CDC7: variants seen among roughly 807,000 people sequenced by gnomAD.
CDC7 encodes the protein cell division cycle 7-related protein kinase.
A neutral mutation model predicts 53.5 loss-of-function variants in CDC7; 34 were observed. That is an observed-to-expected ratio of 0.64 (90% confidence interval 0.48 to 0.85). CDC7 has a LOEUF of 0.85. CDC7 is among the 40% of genes least tolerant of loss of function. The pLI is 0.00. For missense variants in CDC7, 594 were observed against 679.7 expected (o/e 0.87, Z 1.40); for synonymous variants, 211 against 222.8 (o/e 0.95, Z 0.47).
chr1:91,521,667 C>T (rs1040478777), intron 11 of CDC7, among the ~76,000 whole-genome samples: 11 of 152,104 alleles, frequency 7.2e-5, no homozygotes, highest in African/African-American at 2.2e-4. Context: ...TATTGAATAA[C>T]TTCGTGAGAG....
Position 91,501,683 on chromosome 1 carries a change from C to T in CDC7, c.-34C>T. 6.6e-7 allele frequency: 1 copy of T among 1,506,230 alleles called. No individual in the cohort carries two copies. The highest frequency in any genetic ancestry group is 9.2e-7 in the Non-Finnish European group (1 of 1,082,644). The allele number at this position is 1,506,230 out of a possible 1,614,324, so 93.3% of individuals were successfully genotyped here. A position where few individuals can be genotyped will look rare whatever the true frequency, so the allele number is the denominator to read the frequency against. On this transcript the variant is annotated 5_prime_UTR_variant, in exon 2 of 12. Transcript: ENST00000234626. ...TTTGCTCCCCCTGTGGATGTAACCC[C>T]TTAGCTGGCATTTTGCATCTCAATT...
At position 91,501,641 on chromosome 1, in the gene CDC7, C is replaced by G. The variant is rs1430369208; in HGVS notation, c.-63-13C>G. 4 of 1,038,190 alleles carry G rather than the reference C, an allele frequency of 3.9e-6. No homozygotes were observed. The highest frequency in any genetic ancestry group is 6.0e-6 in the Non-Finnish European group (4 of 670,162). The allele number at this position is 1,038,190 out of a possible 1,614,324, so 64.3% of individuals were successfully genotyped here. A position where few individuals can be genotyped will look rare whatever the true frequency, so the allele number is the denominator to read the frequency against. ...GAGTGATCTAAATTTCTCTAGTGTTCTAATTTTCACAGCTGCTTTGCTCCC... is the reference window on the plus strand; with the variant it reads ...GAGTGATCTAAATTTCTCTAGTGTTGTAATTTTCACAGCTGCTTTGCTCCC... On this transcript the variant is annotated splice_polypyrimidine_tract_variant and intron_variant, in intron 1 of 11. Coordinates refer to ENST00000234626, the MANE Select transcript of CDC7 (RefSeq NM_003503.4).
intron 2 of CDC7, 44 bp from the exon 3 acceptor site, chr1:91,507,786 TTAAATTTTAAGAAACTGTAAAATA>T (rs1304963883): frequency 2.0e-6 from 2 of 1,021,414 alleles, no homozygotes; most frequent in Non-Finnish European, 2.9e-6. Flanking sequence ...ATTGAGCTTT[TTAAATTTTAAGAAACTGTAAAATA>T]TACTGTCATT....
At chr1:91,504,105 C>CTTTTTT (rs1216657728) in intron 2 of CDC7, among the ~76,000 whole-genome samples, 1 of 135,052 alleles carries the variant, frequency 7.4e-6, no homozygotes, top group Admixed American at 7.5e-5. Flanking sequence ...TTTTGGCAAG[C>CTTTTTT]TTTTTTTTTT....
intron 11 of CDC7, among the ~76,000 whole-genome samples, chr1:91,521,147 C>T (rs945331898): frequency 1.3e-5 from 2 of 152,198 alleles, no homozygotes; most frequent in African/African-American, 4.8e-5. Context: ...GTGCTCAACC[C>T]CAGGATCAGT....
intron 7 of CDC7, among the ~76,000 whole-genome samples, chr1:91,513,726 T>C (rs911973750): frequency 1.3e-5 from 2 of 152,170 alleles, no homozygotes; most frequent in Non-Finnish European, 2.9e-5. Flanking sequence ...GAATTTTTTT[T>C]TAGTTATATA....
intron 11 of CDC7, among the ~76,000 whole-genome samples, chr1:91,521,944 A>G (rs1487210682): frequency 6.6e-6 from 1 of 152,096 alleles, no homozygotes; most frequent in Non-Finnish European, 1.5e-5. Context: ...AGGTGGGCAG[A>G]TCATGAGGTC....
At chr1:91,515,760 T>A in intron 9 of CDC7, 34 bp from the exon 10 acceptor site, 1 of 1,609,454 alleles carries the variant, frequency 6.2e-7, no homozygotes. Context: ...AGTTCAACTT[T>A]AACATAACTA....
chr1:91,504,629 G>T (rs1163944320), intron 2 of CDC7, among the ~76,000 whole-genome samples: 1 of 152,102 alleles, frequency 6.6e-6, no homozygotes, highest in African/African-American at 2.4e-5. Context: ...GTTTGCCTGG[G>T]ACAGATCTAG....
intron 11 of CDC7, among the ~76,000 whole-genome samples, chr1:91,522,309 C>T (rs1301421369): frequency 3.3e-5 from 5 of 152,172 alleles, no homozygotes; most frequent in Non-Finnish European, 5.9e-5. Context: ...CTGTGTTCCC[C>T]TTTGTAACCT....
intron 4 of CDC7, among the ~76,000 whole-genome samples, chr1:91,509,613 C>A (rs1426716452): frequency 1.3e-5 from 2 of 152,156 alleles, no homozygotes; most frequent in Admixed American, 1.3e-4. Context: ...ACGACTGTAG[C>A]CTGCTTCTTC....
chr1:91,520,140 G>T lies in CDC7; in HGVS notation c.1191G>T (p.Met397Ile). The change falls in exon 11 of 12, where the codon ATG (methionine) becomes ATT (isoleucine). Residue 397 changes from methionine to isoleucine, a missense_variant. By Grantham distance (10) the Met-to-Ile change is conservative (BLOSUM62 1). Transcript: ENST00000234626. ...TGTCTTCTGTTGCAGCAATTGACAT[G>T]TGGTCTGCAGGTGTCATATTTCTTT... ...KCPNQTTAIDMWSAGVIFLSL... is the reference protein window; with the variant it reads ...KCPNQTTAIDIWSAGVIFLSL... The T allele has an allele frequency of 6.4e-7, 1 of 1,563,810 alleles. No individual in the cohort carries two copies. The highest frequency in any genetic ancestry group is 1.2e-5 in the South Asian group (1 of 81,132).
chr1:91,509,950 G>A (rs1667191049), intron 4 of CDC7, among the ~76,000 whole-genome samples: 1 of 152,170 alleles, frequency 6.6e-6, no homozygotes, highest in Non-Finnish European at 1.5e-5. Flanking sequence ...GAGTGAAACT[G>A]GACGCAGTAG....
intron 6 of CDC7, among the ~76,000 whole-genome samples, chr1:91,512,289 G>GTGAT (rs1667327565): frequency 6.6e-6 from 1 of 151,982 alleles, no homozygotes; most frequent in African/African-American, 2.4e-5. Flanking sequence ...CAGTTTCTTT[G>GTGAT]TGATTGGAAA....
At chr1:91,516,722 T>C (rs1378600489) in intron 10 of CDC7, among the ~76,000 whole-genome samples, 1 of 152,176 alleles carries the variant, frequency 6.6e-6, no homozygotes, top group African/African-American at 2.4e-5. Context: ...GAAGTTAGCA[T>C]AGAGGCATGA....
chr1:91,519,068 A>G (rs190694777), intron 10 of CDC7, among the ~76,000 whole-genome samples: 1 of 151,502 alleles, frequency 6.6e-6, no homozygotes, highest in Admixed American at 6.6e-5. Context: ...CTCGAAAAAA[A>G]AAAAAAAAGA....
At chr1:91,509,245 T>C (rs1005619999) in intron 4 of CDC7, among the ~76,000 whole-genome samples, 2 of 152,094 alleles carry the variant, frequency 1.3e-5, no homozygotes, top group Non-Finnish European at 2.9e-5. Context: ...CCCAAAAGTA[T>C]ATAGTTAATC....
At chr1:91,514,618 G>A (rs898616335) in intron 8 of CDC7, among the ~76,000 whole-genome samples, 1 of 152,138 alleles carries the variant, frequency 6.6e-6, no homozygotes, top group African/African-American at 2.4e-5. Flanking sequence ...GGACTAATTA[G>A]TAAATTTTAA....
In CDC7 at chr1:91,508,309, C is replaced by A; in HGVS notation, c.247C>A (p.Pro83Thr). Residue 83 changes from proline (P) to threonine (T), a missense_variant, in exon 4 of 12, where the codon CCT (proline) becomes ACT (threonine). Coordinates refer to ENST00000234626, the MANE Select transcript of CDC7 (RefSeq NM_003503.4). ...YLATAQLQVGPEEKIALKHLI... is the reference protein window; with the variant it reads ...YLATAQLQVGTEEKIALKHLI... ...GGCCACAGCACAGTTACAAGTAGGACCTGAAGAGAAAATTGCTCTAAAACA... is the reference window on the plus strand; with the variant it reads ...GGCCACAGCACAGTTACAAGTAGGAACTGAAGAGAAAATTGCTCTAAAACA... 2 of 1,612,096 alleles carry A rather than the reference C, an allele frequency of 1.2e-6. No homozygotes were observed. Among genetic ancestry groups the A allele is most frequent in the Non-Finnish European group, 1.7e-6 (2 of 1,178,738 alleles).
Sources: allele counts gnomAD v4.1 joint callset (sites outside exome capture counted in the v4.1 genomes callset), GRCh38; gene constraint gnomAD v4.1.1; transcripts MANE v1.5; gene names NCBI Gene and HGNC (gene_info 2026-07-23, HGNC 2026-07-21).